Variants in THSD7A observed in about 807,000 individuals in gnomAD.
THSD7A encodes thrombospondin type 1 domain containing 7A.
Under a neutral mutation model 231.3 loss-of-function variants are expected in THSD7A, and 96 were observed. The observed-to-expected ratio is 0.41, with a 90% CI of 0.35 to 0.49. The LOEUF (loss-of-function observed/expected upper bound fraction) is 0.49, where lower values mean the gene tolerates loss of function less well. Ranked by LOEUF, THSD7A falls within the 20% of genes least tolerant of loss-of-function variation. The probability of loss-of-function intolerance (pLI) is 0.05; values close to 1 mark genes in which losing one functional copy is unlikely to be tolerated. For missense variants in THSD7A, 2,290 were observed against 2,070.2 expected (o/e 1.11, Z -2.06); for synonymous variants, 940 against 743.3 (o/e 1.26, Z -4.30).
intron 1 of THSD7A, among the ~76,000 whole-genome samples, chr7:11,641,991 C>T (rs1012922781): frequency 1.3e-5 from 2 of 152,032 alleles, no homozygotes. Flanking sequence ...AGAAAAAGGA[C>T]CACATTCAAT....
chr7:11,540,045 G>A (rs1290457629), intron 6 of THSD7A, among the ~76,000 whole-genome samples: 1 of 152,188 alleles, frequency 6.6e-6, no homozygotes, highest in Non-Finnish European at 1.5e-5. Context: ...AAGAGAAACA[G>A]AACATGCTTC....
chr7:11,743,063 T>A (rs1782165596), intron 1 of THSD7A, among the ~76,000 whole-genome samples: 1 of 151,968 alleles, frequency 6.6e-6, no homozygotes, highest in African/African-American at 2.4e-5. Context: ...AATCTTATAA[T>A]TTAAAATGCT....
intron 6 of THSD7A, among the ~76,000 whole-genome samples, chr7:11,538,888 T>C (rs1789026570): frequency 1.3e-5 from 2 of 152,190 alleles, no homozygotes; most frequent in Non-Finnish European, 2.9e-5. Flanking sequence ...ACTGGGAGTC[T>C]GGACAAAGAA....
At chr7:11,793,033 G>A (rs990982210) in intron 1 of THSD7A, among the ~76,000 whole-genome samples, 2 of 151,800 alleles carry the variant, frequency 1.3e-5, no homozygotes, top group East Asian at 1.9e-4. Flanking sequence ...AATAAGTTAT[G>A]ATGGGAAACA....
chr7:11,466,000 T>C (rs1016605900), intron 9 of THSD7A, among the ~76,000 whole-genome samples: 2 of 152,274 alleles, frequency 1.3e-5, no homozygotes, highest in African/African-American at 2.4e-5. Context: ...TTTATCAGCA[T>C]TGATTTTTCA....
At chr7:11,677,600 A>AAAAAAAAAAAAAAAAAAAAAAAAAAAG (rs1783693253) in intron 1 of THSD7A, among the ~76,000 whole-genome samples, 1 of 146,402 alleles carries the variant, frequency 6.8e-6, no homozygotes, top group African/African-American at 2.5e-5. Context: ...AAAAAAAAAA[A>AAAAAAAAAAAAAAAAAAAAAAAAAAAG]AAAAAAAAAA....
intron 1 of THSD7A, among the ~76,000 whole-genome samples, chr7:11,726,922 G>A (rs760614210): frequency 1.1e-4 from 16 of 151,826 alleles, no homozygotes; most frequent in Non-Finnish European, 2.1e-4. Context: ...AGTCTCTCTC[G>A]TAATGAAAAC....
intron 6 of THSD7A, among the ~76,000 whole-genome samples, chr7:11,507,861 T>C (rs1296723060): frequency 1.3e-5 from 2 of 152,178 alleles, no homozygotes; most frequent in South Asian, 2.1e-4. Flanking sequence ...GGAACTCTTA[T>C]GTATTAATCT....
intron 13 of THSD7A, among the ~76,000 whole-genome samples, chr7:11,431,152 G>C (rs1784466424): frequency 6.6e-6 from 1 of 152,142 alleles, no homozygotes; most frequent in Admixed American, 6.5e-5. Flanking sequence ...TGTCAAACTT[G>C]TTATTGTCTC....
In THSD7A at chr7:11,807,674, C is replaced by A. The variant is rs758154031; in HGVS notation, c.190+24083G>T. Among the ~76,000 whole-genome samples the A allele has an allele frequency of 4.2e-4, 64 of 151,986 alleles. 3 individuals are homozygous for A. Among genetic ancestry groups the A allele is most frequent in the Non-Finnish European group, 1.6e-4 (11 of 68,000 alleles). On this transcript the variant is annotated intron_variant, in intron 1 of 27. Coordinates refer to ENST00000423059, the MANE Select transcript of THSD7A (RefSeq NM_015204.3). Reference sequence around the variant, plus strand: ...AATTATTAATAGCACTAATTAATGGCTGAAATTAATGCAGTATACTTTTTA... The same window carrying A: ...AATTATTAATAGCACTAATTAATGGATGAAATTAATGCAGTATACTTTTTA...
intron 1 of THSD7A, among the ~76,000 whole-genome samples, chr7:11,775,796 G>A (rs912314766): frequency 6.6e-6 from 1 of 152,204 alleles, no homozygotes; most frequent in East Asian, 1.9e-4. Context: ...TAATGCCACA[G>A]AATTGTACAA....
chr7:11,370,765 A>T lies in THSD7A; in HGVS notation c.*5029T>A, dbSNP rs748659992. The T allele has an allele frequency of 2.0e-5, 3 of 152,196 alleles. No homozygotes were observed. The highest frequency in any genetic ancestry group is 4.4e-5 in the Non-Finnish European group (3 of 68,016). 9.4% of individuals were successfully genotyped at this position (152,196 alleles called of 1,614,324 possible). Reference sequence around the variant, plus strand: ...TAAAATACACATTTAGGGAATAATAATTTATAGAAAGACAGATTGCAAATT... The same window carrying T: ...TAAAATACACATTTAGGGAATAATATTTTATAGAAAGACAGATTGCAAATT... On this transcript the variant is annotated 3_prime_UTR_variant, in exon 28 of 28. Transcript: ENST00000423059.
At chr7:11,413,428 G>C (rs1209819853) in intron 17 of THSD7A, among the ~76,000 whole-genome samples, 1 of 151,706 alleles carries the variant, frequency 6.6e-6, no homozygotes, top group African/African-American at 2.4e-5. Flanking sequence ...ACAGAAACAA[G>C]CCCTTTGGAA....
chr7:11,472,248 T>C (rs1362931217), intron 8 of THSD7A, among the ~76,000 whole-genome samples: 2 of 152,112 alleles, frequency 1.3e-5, no homozygotes, highest in Non-Finnish European at 2.9e-5. Context: ...AAGAAATTGA[T>C]TTCCCCCCAA....
At chr7:11,713,943 A>G (rs979071719) in intron 1 of THSD7A, among the ~76,000 whole-genome samples, 2 of 151,354 alleles carry the variant, frequency 1.3e-5, no homozygotes, top group African/African-American at 4.8e-5. Context: ...TAAAAATAAC[A>G]GCAAATATAT....
intron 10 of THSD7A, among the ~76,000 whole-genome samples, chr7:11,461,422 A>G (rs1785501371): frequency 6.6e-6 from 1 of 152,202 alleles, no homozygotes; most frequent in South Asian, 2.1e-4. Flanking sequence ...CTGCAAATGT[A>G]TACGTCAGAT....
intron 13 of THSD7A, among the ~76,000 whole-genome samples, chr7:11,442,997 TG>T (rs972774868): frequency 2.0e-5 from 3 of 152,122 alleles, no homozygotes; most frequent in African/African-American, 7.2e-5. Flanking sequence ...ATACTGCCTT[TG>T]GCCAATTTCA....
At chr7:11,569,332 T>C (rs1481555370) in intron 4 of THSD7A, among the ~76,000 whole-genome samples, 1 of 151,994 alleles carries the variant, frequency 6.6e-6, no homozygotes, top group Non-Finnish European at 1.5e-5. Context: ...ACTGCAATAA[T>C]AATAATAATA....
chr7:11,448,266 A>G lies in THSD7A; in HGVS notation c.2606-842T>C, dbSNP rs183295421. 6.1e-3 allele frequency among the ~76,000 whole-genome samples: 930 copies of G among 152,262 alleles called. 3 individuals carry two copies. The highest frequency in any genetic ancestry group is 9.9e-3 in the Non-Finnish European group (673 of 68,004). On this transcript the variant is annotated intron_variant, in intron 11 of 27. Transcript: ENST00000423059. The stretch of plus-strand genomic sequence containing the variant: ...GAAATAATATTTTTACCTATTGAAC[A>G]TATACATATGAGTGTTTTATGGTAA...
Sources: allele counts gnomAD v4.1 joint callset (sites outside exome capture counted in the v4.1 genomes callset), GRCh38; gene constraint gnomAD v4.1.1; transcripts MANE v1.5; gene names NCBI Gene and HGNC (gene_info 2026-07-23, HGNC 2026-07-21).